OPCML: variants seen among roughly 807,000 people sequenced by gnomAD.
OPCML encodes the protein opioid-binding protein/cell adhesion molecule.
A neutral mutation model predicts 37.8 loss-of-function variants in OPCML; 13 were observed. The ratio of observed to expected loss-of-function variants is 0.34; its 90% CI spans 0.22 to 0.55. The LOEUF (loss-of-function observed/expected upper bound fraction) is 0.55, where lower values mean the gene tolerates loss of function less well. Ranked by LOEUF, OPCML falls within the 20% of genes least tolerant of loss-of-function variation. The pLI, the probability that OPCML is intolerant of heterozygous loss-of-function variation, is 0.91. For synonymous variants in OPCML, 176 were observed against 168.8 expected (o/e 1.04, Z -0.33); for missense variants, 341 against 435.6 (o/e 0.78, Z 1.93).
At chr11:132,449,309 AT>A in intron 4 of OPCML, among the ~76,000 whole-genome samples, 1 of 152,200 alleles carries the variant, frequency 6.6e-6, no homozygotes, top group African/African-American at 2.4e-5. Context: ...CCTTTCTAAG[AT>A]TCTATTCATG....
At chr11:133,408,492 G>A (rs1291300525) in intron 1 of OPCML, among the ~76,000 whole-genome samples, 1 of 152,138 alleles carries the variant, frequency 6.6e-6, no homozygotes, top group East Asian at 1.9e-4. Context: ...CATTTTATTT[G>A]ACAGTAATTT....
chr11:133,184,525 T>C (rs1307045197), intron 1 of OPCML, among the ~76,000 whole-genome samples: 2 of 152,126 alleles, frequency 1.3e-5, no homozygotes, highest in Admixed American at 6.5e-5. Context: ...GGAGCGAGGC[T>C]GGTCATGGCA....
At position 133,141,101 on chromosome 11, in the gene OPCML, A is replaced by AAGAAGAAGC. The variant is rs1565469400; in HGVS notation, c.62-198092_62-198091insGCTTCTTCT. The stretch of plus-strand genomic sequence containing the variant: ...GAAGAAGAAGAAGAAGAAGGAGAAG[A>AAGAAGAAGC]AGAAGCAGCTGAATGCCAAAGTGTG... On this transcript the variant is annotated intron_variant, in intron 1 of 7. Transcript: ENST00000524381. 2.0e-4 allele frequency among the ~76,000 whole-genome samples: 28 copies of AAGAAGAAGC among 139,814 alleles called. 4 individuals are homozygous for AAGAAGAAGC. The highest frequency in any genetic ancestry group is 6.9e-4 in the African/African-American group (27 of 38,988). 91.7% of individuals were successfully genotyped at this position (139,814 alleles called of 152,430 possible).
At chr11:132,450,783 G>A (rs1012112350) in intron 4 of OPCML, among the ~76,000 whole-genome samples, 1 of 152,130 alleles carries the variant, frequency 6.6e-6, no homozygotes, top group African/African-American at 2.4e-5. Context: ...ACCACACTAG[G>A]CTCAGGAGTG....
At chr11:133,412,127 A>G (rs1272158739) in intron 1 of OPCML, among the ~76,000 whole-genome samples, 1 of 152,214 alleles carries the variant, frequency 6.6e-6, no homozygotes, top group Non-Finnish European at 1.5e-5. Flanking sequence ...GCAAATCCCA[A>G]GGTGTGATGA....
chr11:133,512,075 G>A (rs1380915029), intron 1 of OPCML, among the ~76,000 whole-genome samples: 1 of 152,168 alleles, frequency 6.6e-6, no homozygotes, highest in African/African-American at 2.4e-5. Context: ...CACCAGCTGG[G>A]TGTTCCAAGA....
chr11:132,431,593 C>T (rs566155799), intron 7 of OPCML, among the ~76,000 whole-genome samples: 8 of 152,292 alleles, frequency 5.3e-5, no homozygotes, highest in Admixed American at 2.0e-4. Context: ...TCATCTTGGA[C>T]GATCACCTAC....
intron 1 of OPCML, among the ~76,000 whole-genome samples, chr11:133,132,587 C>T (rs1213246088): frequency 2.0e-5 from 3 of 152,124 alleles, no homozygotes; most frequent in Non-Finnish European, 4.4e-5. Flanking sequence ...ATGATAGCTG[C>T]AAATTGGTAG....
intron 4 of OPCML, among the ~76,000 whole-genome samples, chr11:132,521,534 A>G (rs1182566698): frequency 6.6e-6 from 1 of 152,086 alleles, no homozygotes; most frequent in Non-Finnish European, 1.5e-5. Flanking sequence ...GCAAACTAAC[A>G]CAGGAACAGA....
intron 1 of OPCML, chr11:133,420,636 A>T: frequency 3.0e-6 from 3 of 985,392 alleles, no homozygotes; most frequent in Non-Finnish European, 3.6e-6. Flanking sequence ...GATTAAGGGT[A>T]TGGAGGCTTT....
intron 1 of OPCML, among the ~76,000 whole-genome samples, chr11:133,264,663 G>A (rs937089449): frequency 1.3e-5 from 2 of 152,180 alleles, no homozygotes; most frequent in South Asian, 4.2e-4. Context: ...TTAGAAGCAA[G>A]TGCAAACCTC....
chr11:132,428,975 T>C (rs942825772), intron 7 of OPCML, among the ~76,000 whole-genome samples: 6 of 152,148 alleles, frequency 3.9e-5, no homozygotes, highest in African/African-American at 1.4e-4. Context: ...GTCCTTAGTA[T>C]AATTCCTGGC....
chr11:132,604,279 C>T (rs56385428), intron 3 of OPCML, among the ~76,000 whole-genome samples: 14,070 of 130,296 alleles, frequency 0.11, 824 homozygotes, highest in African/African-American at 0.21. Context: ...TGTTTATTTT[C>T]GTAAAAAAAA....
chr11:133,240,073 A>G (rs1235967582), intron 1 of OPCML, among the ~76,000 whole-genome samples: 1 of 152,034 alleles, frequency 6.6e-6, no homozygotes, highest in Non-Finnish European at 1.5e-5. Context: ...AATGGCTCCA[A>G]CAAAAGCATT....
chr11:132,712,765 G>A (rs1944320050), intron 2 of OPCML, among the ~76,000 whole-genome samples: 1 of 152,254 alleles, frequency 6.6e-6, no homozygotes, highest in Non-Finnish European at 1.5e-5. Context: ...AAGGTTTCCA[G>A]TTTTGAGGCA....
rs777986209 is a variant in OPCML at position 132,942,955 on chromosome 11, C to G, written c.117G>C (p.Thr39=). The change falls in exon 2 of 8, where the codon ACG becomes ACC. Residue 39 remains threonine (T), a synonymous_variant. Transcript: ENST00000524381. ...GGGTGGCGCTCTCCCCCTGCCGGAC[C>G]GTCACGTTGTCCATAGCTTTGGGGA... ...ATFPKAMDNV[T]VRQGESATLR... is the part of the protein sequence containing the mutation. The G allele has an allele frequency of 6.2e-7, 1 of 1,614,108 alleles. No individual in the cohort carries two copies. Among genetic ancestry groups the G allele is most frequent in the Non-Finnish European group, 8.5e-7 (1 of 1,180,002 alleles).
intron 1 of OPCML, among the ~76,000 whole-genome samples, chr11:133,490,785 C>A (rs1292521213): frequency 6.6e-6 from 1 of 152,166 alleles, no homozygotes; most frequent in Non-Finnish European, 1.5e-5. Context: ...AGGCTACATC[C>A]CAAATGGCTG....
rs527499415 is a variant in OPCML, at chr11:132,427,156, G to GA, written c.917-6864dup. On this transcript the variant is annotated intron_variant, in intron 7 of 7. Coordinates refer to ENST00000524381, the MANE Select transcript of OPCML (RefSeq NM_001012393.5). ...AGGGTGACCACACTAAAAAAGAAAAGAAAAAAAAAGCCCCTAGGCAAGTTG... is the reference window on the plus strand; with the variant it reads ...AGGGTGACCACACTAAAAAAGAAAAGAAAAAAAAAAGCCCCTAGGCAAGTTG... Among the ~76,000 whole-genome samples, 78 of 150,398 alleles carry GA rather than the reference G, an allele frequency of 5.2e-4. No individual in the cohort carries two copies. The South Asian group carries it at 9.5e-3, about 18-fold the overall frequency.
At chr11:132,843,458 G>A (rs181311671) in intron 2 of OPCML, among the ~76,000 whole-genome samples, 11 of 152,118 alleles carry the variant, frequency 7.2e-5, no homozygotes, top group African/African-American at 2.2e-4. Flanking sequence ...CTGATGCAAC[G>A]GTTCTAGAAA....
Sources: allele counts gnomAD v4.1 joint callset (sites outside exome capture counted in the v4.1 genomes callset), GRCh38; gene constraint gnomAD v4.1.1; transcripts MANE v1.5; gene names NCBI Gene and HGNC (gene_info 2026-07-23, HGNC 2026-07-21).